GRAPL: variants seen among roughly 807,000 people sequenced by gnomAD.
GRAPL encodes GRB2 related adaptor protein like.
chr17:19,148,825 G>C (rs1234280269), intron 3 of GRAPL, among the ~76,000 whole-genome samples: 4 of 109,062 alleles, frequency 3.7e-5, no homozygotes, highest in Admixed American at 1.1e-4. Context: ...GGAGAATGGC[G>C]TGAACCTGGG....
At chr17:19,151,746 TTC>T (rs1769441086) in intron 3 of GRAPL, among the ~76,000 whole-genome samples, 1 of 17,420 alleles carries the variant, frequency 5.7e-5, no homozygotes, top group African/African-American at 1.9e-4. Context: ...GCCCAGCTAA[TTC>T]TTTTGTATTT....
At chr17:19,149,204 C>T (rs1376153527) in intron 3 of GRAPL, among the ~76,000 whole-genome samples, 1 of 104,140 alleles carries the variant, frequency 9.6e-6, no homozygotes, top group Non-Finnish European at 1.8e-5. Context: ...GTGGCGGGCA[C>T]CTGTAATCCC....
rs1442619554 is a variant in GRAPL at position 19,147,013 on chromosome 17, A to AGG, written c.299+8428_299+8429dup. On this transcript the variant is annotated intron_variant, in intron 3 of 3. Coordinates refer to ENST00000344415, the MANE Select transcript of GRAPL (RefSeq NM_001129778.3). The stretch of plus-strand genomic sequence containing the variant: ...TTTCAATTTACAACCCAGGAGAGGT[A>AGG]GGGGTGTGTGTGTGTGTGTGTGTGT... 3.3e-3 allele frequency among the ~76,000 whole-genome samples: 281 copies of AGG among 85,164 alleles called. 25 individuals carry two copies. The highest frequency in any genetic ancestry group is 4.8e-3 in the Non-Finnish European group (248 of 52,208). 55.9% of individuals were successfully genotyped at this position (85,164 alleles called of 152,430 possible).
At chr17:19,151,965 A>G (rs1597954641) in intron 3 of GRAPL, among the ~76,000 whole-genome samples, 1 of 146,674 alleles carries the variant, frequency 6.8e-6, no homozygotes, top group South Asian at 2.1e-4. Flanking sequence ...GCTCACTGCA[A>G]CCTCCGTGTT....
intron 3 of GRAPL, among the ~76,000 whole-genome samples, chr17:19,148,877 T>C (rs1313176415): frequency 4.4e-5 from 5 of 114,616 alleles, no homozygotes; most frequent in Admixed American, 1.0e-4. Flanking sequence ...CATTGCACTC[T>C]AGCCTGGGTG....
rs1555590517 is a variant in GRAPL, at chr17:19,148,920, A to AG, written c.300-9399_300-9398insG. 2.7e-4 allele frequency among the ~76,000 whole-genome samples: 37 copies of AG among 135,592 alleles called. 1 individual carries two copies. The highest frequency in any genetic ancestry group is 9.9e-4 in the African/African-American group (37 of 37,222). 89.0% of individuals were successfully genotyped at this position (135,592 alleles called of 152,430 possible). ...GAGACCACGCCTCAAAAAAAAAAAA[A>AG]AAAAGAAAAGAAAAAAGAAAGAGCA... On this transcript the variant is annotated intron_variant, in intron 3 of 3. Transcript: ENST00000344415.
chr17:19,147,044 TGTGTGTGCGC>T (rs1424657057), intron 3 of GRAPL, among the ~76,000 whole-genome samples: 7 of 125,286 alleles, frequency 5.6e-5, no homozygotes, highest in Middle Eastern at 3.8e-3. Context: ...TGTGTGTGTG[TGTGTGTGCGC>T]GCGCGCGCGC....
chr17:19,144,609 T>C (rs1347809213), intron 3 of GRAPL, among the ~76,000 whole-genome samples: 1 of 138,332 alleles, frequency 7.2e-6, no homozygotes, highest in Non-Finnish European at 1.5e-5. Context: ...CACTGCCCAC[T>C]GAAGTGAATG....
At chr17:19,144,574 A>G (rs1279777769) in intron 3 of GRAPL, among the ~76,000 whole-genome samples, 2 of 142,334 alleles carry the variant, frequency 1.4e-5, no homozygotes, top group Non-Finnish European at 3.0e-5. Context: ...ACTCAGACAC[A>G]ATGGAGACGC....
chr17:19,136,935 T>C (rs1369999140), intron 2 of GRAPL, among the ~76,000 whole-genome samples: 2 of 150,212 alleles, frequency 1.3e-5, no homozygotes, highest in East Asian at 3.8e-4. Flanking sequence ...CTCTGGGGTC[T>C]CTTTCATAAG....
intron 3 of GRAPL, chr17:19,141,669 C>G (rs1299102584): frequency 7.4e-6 from 1 of 134,504 alleles, no homozygotes. Flanking sequence ...CCCCCACCCC[C>G]CCAGCCCAGC....
At chr17:19,144,302 G>T in intron 3 of GRAPL, 1 of 363,648 alleles carries the variant, frequency 2.7e-6, no homozygotes, top group Non-Finnish European at 5.2e-6. Context: ...TGCTGCTGCT[G>T]CTGCTGCCGC....
At chr17:19,148,907 CAAAAAAA>C (rs1177333542) in intron 3 of GRAPL, among the ~76,000 whole-genome samples, 12 of 78,646 alleles carry the variant, frequency 1.5e-4, no homozygotes, top group Non-Finnish European at 2.5e-4. Context: ...GACCACGCCT[CAAAAAAA>C]AAAAAAAAAA....
At chr17:19,149,322 C>G (rs2044720134) in intron 3 of GRAPL, among the ~76,000 whole-genome samples, 1 of 66,364 alleles carries the variant, frequency 1.5e-5, no homozygotes, top group Non-Finnish European at 2.1e-5. Flanking sequence ...GAGCAAGACT[C>G]TGTCTCAAAA....
chr17:19,144,591 ACC>A (rs2044688311), intron 3 of GRAPL, among the ~76,000 whole-genome samples: 1 of 140,718 alleles, frequency 7.1e-6, no homozygotes, highest in African/African-American at 2.6e-5. Context: ...ACGCTCTCAC[ACC>A]CCCGGCACTG....
chr17:19,144,209 G>A, intron 3 of GRAPL: 1 of 211,068 alleles, frequency 4.7e-6, no homozygotes, highest in Non-Finnish European at 8.7e-6. Flanking sequence ...TGGGGTGGTG[G>A]AGGGGGTGTC....
intron 3 of GRAPL, among the ~76,000 whole-genome samples, chr17:19,149,178 A>C (rs1240912199): frequency 1.1e-5 from 1 of 90,736 alleles, no homozygotes; most frequent in Non-Finnish European, 2.0e-5. Context: ...AAATACCAAA[A>C]AATTAGCCGG....
chr17:19,148,991 G>C (rs1257630301), intron 3 of GRAPL, among the ~76,000 whole-genome samples: 1 of 131,766 alleles, frequency 7.6e-6, no homozygotes, highest in Non-Finnish European at 1.6e-5. Flanking sequence ...GCGATTTGGC[G>C]ATAGTGGGCT....
At chr17:19,148,847 GC>G (rs2044712178) in intron 3 of GRAPL, among the ~76,000 whole-genome samples, 1 of 118,686 alleles carries the variant, frequency 8.4e-6, no homozygotes, top group South Asian at 4.2e-4. Context: ...GGCGGAGCTT[GC>G]AGTGAGCCGA....
Sources: gnomAD v4.1 joint callset for allele counts (sites outside exome capture counted in the v4.1 genomes callset) on GRCh38, gnomAD v4.1.1 for gene constraint, MANE v1.5 for transcripts, NCBI Gene and HGNC (gene_info 2026-07-23, HGNC 2026-07-21) for gene names.